The following PCMTD1 variants were observed in gnomAD, a reference collection of about 807,000 sequenced individuals.
PCMTD1 encodes the protein protein-L-isoaspartate O-methyltransferase domain-containing protein 1.
Under a neutral mutation model 37.6 loss-of-function variants are expected in PCMTD1, and 12 were observed. The observed-to-expected ratio is 0.32, with a 90% CI of 0.20 to 0.52. The LOEUF is 0.52. PCMTD1 is among the 20% of genes least tolerant of loss of function. The pLI is 0.97. For synonymous variants in PCMTD1, 117 were observed against 135.8 expected (o/e 0.86, Z 0.96); for missense variants, 235 against 421.3 (o/e 0.56, Z 3.87).
intron 1 of PCMTD1, among the ~76,000 whole-genome samples, chr8:51,897,085 G>A (rs1009088199): frequency 6.6e-6 from 1 of 152,052 alleles, no homozygotes; most frequent in African/African-American, 2.4e-5. Flanking sequence ...TACACAATTT[G>A]GCTTAAAATT....
chr8:51,876,877 T>C (rs1298634925), intron 1 of PCMTD1, among the ~76,000 whole-genome samples: 2 of 152,186 alleles, frequency 1.3e-5, no homozygotes, highest in Non-Finnish European at 2.9e-5. Context: ...GAAATAATGG[T>C]GTTAGAAAAA....
chr8:51,875,824 T>C (rs926428612), intron 1 of PCMTD1, among the ~76,000 whole-genome samples: 9 of 152,018 alleles, frequency 5.9e-5, no homozygotes, highest in Admixed American at 5.9e-4. Context: ...CCCAGCTACT[T>C]AGAAGGCCGA....
intron 3 of PCMTD1, among the ~76,000 whole-genome samples, chr8:51,837,861 C>A (rs1280935623): frequency 6.6e-6 from 1 of 152,084 alleles, no homozygotes; most frequent in Non-Finnish European, 1.5e-5. Context: ...CTCACTGCAA[C>A]CTCCACCTCT....
intron 2 of PCMTD1, among the ~76,000 whole-genome samples, chr8:51,853,771 C>G (rs769631691): frequency 3.9e-5 from 6 of 152,146 alleles, no homozygotes; most frequent in Non-Finnish European, 8.8e-5. Context: ...AAGCCATCAA[C>G]AGGCCCCAGT....
At chr8:51,849,281 T>C (rs898387679) in intron 2 of PCMTD1, 12 of 151,930 alleles carry the variant, frequency 7.9e-5, no homozygotes, top group African/African-American at 2.2e-4. Flanking sequence ...TTCAAATAAA[T>C]AAACAAGTAA....
At chr8:51,820,766 A>T in intron 5 of PCMTD1, 48 bp from the exon 6 acceptor site, 5 of 1,441,640 alleles carry the variant, frequency 3.5e-6, no homozygotes, top group Non-Finnish European at 4.6e-6. Context: ...ACAATAAAAC[A>T]TTATCTATTG....
chr8:51,855,186 A>AAC (rs2038367020), intron 2 of PCMTD1, among the ~76,000 whole-genome samples: 1 of 136,776 alleles, frequency 7.3e-6, no homozygotes, highest in African/African-American at 2.8e-5. Flanking sequence ...AAAAAAAAAA[A>AAC]AAACAAACAA....
chr8:51,886,760 T>A (rs1156713494), intron 1 of PCMTD1, among the ~76,000 whole-genome samples: 1 of 152,224 alleles, frequency 6.6e-6, no homozygotes, highest in South Asian at 2.1e-4. Flanking sequence ...TTTCTATCAC[T>A]GTCATAGCAA....
At chr8:51,872,318 C>A (rs962852960) in intron 1 of PCMTD1, among the ~76,000 whole-genome samples, 8 of 152,186 alleles carry the variant, frequency 5.3e-5, no homozygotes, top group Non-Finnish European at 1.2e-4. Context: ...ATCCACATAT[C>A]TTTCAGCTAA....
At chr8:51,896,556 T>C (rs2039004489) in intron 1 of PCMTD1, among the ~76,000 whole-genome samples, 1 of 152,116 alleles carries the variant, frequency 6.6e-6, no homozygotes, top group Non-Finnish European at 1.5e-5. Flanking sequence ...TACAATAACA[T>C]CCCAATTTAC....
chr8:51,851,335 A>G (rs1365188797), intron 2 of PCMTD1, among the ~76,000 whole-genome samples: 1 of 152,200 alleles, frequency 6.6e-6, no homozygotes, highest in Non-Finnish European at 1.5e-5. Flanking sequence ...TCTCAGAAAT[A>G]TGTTTACATA....
At chr8:51,845,583 T>C (rs1325611877) in intron 3 of PCMTD1, 78 bp downstream of exon 3, 1 of 997,150 alleles carries the variant, frequency 1.0e-6, no homozygotes, top group Non-Finnish European at 1.5e-6. Context: ...TCAGGATCAA[T>C]AATAGTGTTC....
At chr8:51,888,413 T>C (rs779869391) in intron 1 of PCMTD1, among the ~76,000 whole-genome samples, 27 of 152,250 alleles carry the variant, frequency 1.8e-4, no homozygotes, top group Admixed American at 5.9e-4. Context: ...GAAGATACAC[T>C]AGATAACAAA....
At chr8:51,866,774 C>T (rs918964933) in intron 1 of PCMTD1, among the ~76,000 whole-genome samples, 3 of 151,836 alleles carry the variant, frequency 2.0e-5, no homozygotes, top group African/African-American at 7.3e-5. Context: ...CAAAAATGAA[C>T]AAATGAGACT....
chr8:51,853,087 A>G (rs1046116958), intron 2 of PCMTD1, among the ~76,000 whole-genome samples: 2 of 152,230 alleles, frequency 1.3e-5, no homozygotes, highest in African/African-American at 4.8e-5. Flanking sequence ...AAGAAAGACG[A>G]AAGATTCACC....
chr8:51,841,589 T>C (rs1447969258), intron 3 of PCMTD1, among the ~76,000 whole-genome samples: 1 of 152,222 alleles, frequency 6.6e-6, no homozygotes, highest in African/African-American at 2.4e-5. Context: ...ATAAATGCTA[T>C]ACTAATAATT....
chr8:51,855,147 C>G (rs2038365556), intron 2 of PCMTD1, among the ~76,000 whole-genome samples: 2 of 144,758 alleles, frequency 1.4e-5, no homozygotes, highest in Admixed American at 1.4e-4. Context: ...GCACTCCAGC[C>G]TGGGCAACAA....
intron 1 of PCMTD1, among the ~76,000 whole-genome samples, chr8:51,884,620 G>A (rs1169028634): frequency 6.6e-6 from 1 of 152,200 alleles, no homozygotes; most frequent in African/African-American, 2.4e-5. Context: ...ACTGCAAGGG[G>A]AAAGGACTTT....
intron 3 of PCMTD1, among the ~76,000 whole-genome samples, chr8:51,834,881 A>G (rs2038048030): frequency 6.6e-6 from 1 of 152,140 alleles, no homozygotes; most frequent in African/African-American, 2.4e-5. Context: ...GGGAAGGGTC[A>G]AGGGTGTCCC....
Sources: allele counts gnomAD v4.1 joint callset (sites outside exome capture counted in the v4.1 genomes callset), GRCh38; gene constraint gnomAD v4.1.1; transcripts MANE v1.5; gene names NCBI Gene and HGNC (gene_info 2026-07-23, HGNC 2026-07-21).